EEFSEC: variants seen among roughly 807,000 people sequenced by gnomAD.
EEFSEC encodes the protein selenocysteine-specific elongation factor.
In EEFSEC, 43 loss-of-function variants were observed where a neutral mutation model predicts 42.1. The ratio of observed to expected loss-of-function variants is 1.02; its 90% CI spans 0.80 to 1.32. EEFSEC has a LOEUF of 1.32. Among genes scored for constraint, EEFSEC ranks in the 40% most tolerant of loss-of-function variants. The pLI, the probability that EEFSEC is intolerant of heterozygous loss-of-function variation, is 0.00. For missense variants in EEFSEC, 745 were observed against 803.6 expected (o/e 0.93, Z 0.88); for synonymous variants, 354 against 339.1 (o/e 1.04, Z -0.48).
chr3:128,196,806 A>G (rs1335103569), intron 1 of EEFSEC, among the ~76,000 whole-genome samples: 1 of 152,166 alleles, frequency 6.6e-6, no homozygotes, highest in African/African-American at 2.4e-5. Context: ...GGGAGACTGA[A>G]TGACAGTACC....
chr3:128,228,220 G>A (rs1483386470), intron 1 of EEFSEC, among the ~76,000 whole-genome samples: 1 of 152,208 alleles, frequency 6.6e-6, no homozygotes, highest in Non-Finnish European at 1.5e-5. Context: ...CCCAGTGGGT[G>A]AAGCTGCAGA....
chr3:128,272,701 G>A (rs2066427287), intron 4 of EEFSEC, among the ~76,000 whole-genome samples: 1 of 152,180 alleles, frequency 6.6e-6, no homozygotes, highest in Admixed American at 6.5e-5. Flanking sequence ...TAAGGAACAG[G>A]CTGCTCCTGG....
chr3:128,355,532 AC>A (rs1284261726), intron 5 of EEFSEC, among the ~76,000 whole-genome samples: 4 of 151,864 alleles, frequency 2.6e-5, no homozygotes, highest in Admixed American at 2.6e-4. Context: ...ATATGTATAC[AC>A]ATATTTAGAC....
chr3:128,277,283 C>T (rs1032688709), intron 4 of EEFSEC, among the ~76,000 whole-genome samples: 1 of 152,104 alleles, frequency 6.6e-6, no homozygotes, highest in East Asian at 1.9e-4. Flanking sequence ...TACCATAAAC[C>T]TTGCTTTAAT....
Position 128,264,712 on chromosome 3 carries a change from T to C in EEFSEC, c.717T>C (p.Thr239=), listed in dbSNP as rs374856982. 22 of 1,614,036 alleles carry C rather than the reference T, an allele frequency of 1.4e-5. No homozygotes were observed. The African/African-American group carries it at 2.8e-4, about 21-fold the overall frequency. Reference sequence around the variant, plus strand: ...GTTTCTCCATCAAAGGCCAAGGCACTGTGATGACAGGGACCATCCTTTCAG... The same window carrying C: ...GTTTCTCCATCAAAGGCCAAGGCACCGTGATGACAGGGACCATCCTTTCAG... ...DHCFSIKGQG[T]VMTGTILSGS... The change falls in exon 4 of 7, where the codon ACT becomes ACC. Residue 239 remains threonine, a synonymous_variant. Transcript: ENST00000254730.
chr3:128,352,196 G>T (rs1336739705), intron 5 of EEFSEC, among the ~76,000 whole-genome samples: 1 of 152,202 alleles, frequency 6.6e-6, no homozygotes, highest in Non-Finnish European at 1.5e-5. Flanking sequence ...ACTCAGGACA[G>T]ATCATGACCC....
chr3:128,188,096 G>C (rs764230468), intron 1 of EEFSEC, among the ~76,000 whole-genome samples: 1 of 152,142 alleles, frequency 6.6e-6, no homozygotes, highest in Non-Finnish European at 1.5e-5. Context: ...GCATTGATGG[G>C]TTGGAGGGGA....
intron 4 of EEFSEC, among the ~76,000 whole-genome samples, chr3:128,322,457 G>C (rs1396416149): frequency 6.6e-6 from 1 of 152,212 alleles, no homozygotes; most frequent in Admixed American, 6.5e-5. Context: ...GGAAAGTGTT[G>C]CTCCCAAAGG....
chr3:128,312,502 C>G (rs2066900376), intron 4 of EEFSEC, among the ~76,000 whole-genome samples: 1 of 152,256 alleles, frequency 6.6e-6, no homozygotes, highest in Non-Finnish European at 1.5e-5. Flanking sequence ...GTGTGGGCAC[C>G]CACCGGGGTT....
At position 128,246,725 on chromosome 3, in the gene EEFSEC, T is replaced by G. The variant is rs1042466723; in HGVS notation, c.317-111T>G. ...AGCCAGAAGCTGTGTAGTCACCATTTATTCCACTTTGCTCACTTTTACTGC... is the reference window on the plus strand; with the variant it reads ...AGCCAGAAGCTGTGTAGTCACCATTGATTCCACTTTGCTCACTTTTACTGC... On this transcript the variant is annotated intron_variant, in intron 1 of 6. Transcript: ENST00000254730. The G allele has an allele frequency of 6.2e-6, 7 of 1,128,600 alleles. No individual in the cohort carries two copies. In the African/African-American group the frequency reaches 1.1e-4, roughly 17 times the overall value. The allele number at this position is 1,128,600 out of a possible 1,614,324, so 69.9% of individuals were successfully genotyped here.
At chr3:128,262,080 C>T (rs2066302709) in intron 2 of EEFSEC, 48 bp from the exon 3 acceptor site, 1 of 1,574,378 alleles carries the variant, frequency 6.4e-7, no homozygotes, top group Admixed American at 1.7e-5. Context: ...GCTTTGTGTC[C>T]ATGTTGCTGA....
chr3:128,423,938 G>T, the EEFSEC span, among the ~76,000 whole-genome samples: 5 of 152,246 alleles, frequency 3.3e-5, no homozygotes, highest in African/African-American at 7.2e-5. Flanking sequence ...TTCAGCACCA[G>T]AGCCTTGGTG....
chr3:128,303,836 G>C (rs1251909255), intron 4 of EEFSEC, among the ~76,000 whole-genome samples: 1 of 151,880 alleles, frequency 6.6e-6, no homozygotes, highest in Non-Finnish European at 1.5e-5. Context: ...TTTGCATGTA[G>C]CCTACCTTTA....
At chr3:128,369,124 G>A (rs1311721114) in intron 6 of EEFSEC, among the ~76,000 whole-genome samples, 1 of 152,212 alleles carries the variant, frequency 6.6e-6, no homozygotes, top group African/African-American at 2.4e-5. Flanking sequence ...GCTCAGAGGA[G>A]CTAGATGACT....
intron 1 of EEFSEC, among the ~76,000 whole-genome samples, chr3:128,200,013 C>T (rs963406711): frequency 6.6e-6 from 1 of 152,122 alleles, no homozygotes; most frequent in Non-Finnish European, 1.5e-5. Flanking sequence ...GGATTACAGG[C>T]GTGAGCCACC....
intron 4 of EEFSEC, among the ~76,000 whole-genome samples, chr3:128,281,633 G>C (rs960169130): frequency 6.6e-6 from 1 of 152,098 alleles, no homozygotes; most frequent in East Asian, 1.9e-4. Flanking sequence ...GTTTGGCTGG[G>C]TCTCACTGTC....
At chr3:128,276,808 TGGAGATA>T (rs1240778645) in intron 4 of EEFSEC, among the ~76,000 whole-genome samples, 3 of 151,966 alleles carry the variant, frequency 2.0e-5, no homozygotes, top group Admixed American at 6.5e-5. Flanking sequence ...CTCTTGGAGG[TGGAGATA>T]TGAATATCTT....
intron 5 of EEFSEC, among the ~76,000 whole-genome samples, chr3:128,351,180 G>A (rs1025218817): frequency 1.1e-4 from 17 of 152,256 alleles, no homozygotes; most frequent in African/African-American, 4.1e-4. Flanking sequence ...TTGAGTACAT[G>A]TTCTGTTCTT....
intron 4 of EEFSEC, among the ~76,000 whole-genome samples, chr3:128,320,543 T>C (rs1437925692): frequency 6.6e-6 from 1 of 152,174 alleles, no homozygotes; most frequent in Non-Finnish European, 1.5e-5. Context: ...GTAGCTAATA[T>C]GAAGGATTTG....
Sources: gnomAD v4.1 joint callset for allele counts (sites outside exome capture counted in the v4.1 genomes callset) on GRCh38, gnomAD v4.1.1 for gene constraint, MANE v1.5 for transcripts, NCBI Gene and HGNC (gene_info 2026-07-23, HGNC 2026-07-21) for gene names.